Variants in SHISA6 observed in about 807,000 individuals in gnomAD.
SHISA6 encodes protein shisa-6.
A neutral mutation model predicts 47.9 loss-of-function variants in SHISA6; 22 were observed. That is an observed-to-expected ratio of 0.46 (90% CI 0.33 to 0.66). The LOEUF is 0.66. SHISA6 is among the 30% of genes least tolerant of loss of function. SHISA6 has a pLI of 0.02. For synonymous variants in SHISA6, 388 were observed against 337.8 expected, an observed-to-expected ratio of 1.15 and a Z score of -1.63; for missense variants, 680 against 764.6, an observed-to-expected ratio of 0.89 and a Z score of 1.30.
chr17:11,414,121 CCTT>C (rs1914213887), intron 3 of SHISA6, among the ~76,000 whole-genome samples: 1 of 151,820 alleles, frequency 6.6e-6, no homozygotes, highest in East Asian at 1.9e-4. Context: ...CTCCTCTCCT[CCTT>C]CTCCTCCTCC....
chr17:11,469,268 A>G (rs2142320364), intron 3 of SHISA6, among the ~76,000 whole-genome samples: 1 of 152,204 alleles, frequency 6.6e-6, no homozygotes, highest in South Asian at 2.1e-4. Flanking sequence ...GGGTCCTTAC[A>G]ATAGGGAGGA....
rs141006596 is a variant in SHISA6 at position 11,287,117 on chromosome 17, G to A, written c.799+23591G>A. ...GCAGTGAGTAAAAGAAAAAATAGCC[G>A]GGCATGGTGGCATATGCTTGTAGTC... On this transcript the variant is annotated intron_variant, in intron 2 of 5. Coordinates refer to ENST00000441885, the MANE Select transcript of SHISA6 (RefSeq NM_207386.4). Among the ~76,000 whole-genome samples the A allele has an allele frequency of 1.7e-3, 253 of 152,064 alleles. 2 individuals carry two copies. Among genetic ancestry groups the A allele is most frequent in the African/African-American group, 5.0e-3 (207 of 41,484 alleles).
intron 3 of SHISA6, among the ~76,000 whole-genome samples, chr17:11,505,414 G>A (rs1398868775): frequency 1.3e-5 from 2 of 152,224 alleles, no homozygotes; most frequent in African/African-American, 2.4e-5. Context: ...TAGCTGTGTG[G>A]ACTGCAGAAT....
chr17:11,421,870 A>G (rs541886337), intron 3 of SHISA6, among the ~76,000 whole-genome samples: 24 of 152,178 alleles, frequency 1.6e-4, no homozygotes, highest in African/African-American at 2.7e-4. Flanking sequence ...CAGAGGAGCA[A>G]ATTGAAAGGG....
chr17:11,306,340 G>C (rs1292649401), intron 2 of SHISA6, among the ~76,000 whole-genome samples: 1 of 152,118 alleles, frequency 6.6e-6, no homozygotes, highest in African/African-American at 2.4e-5. Flanking sequence ...GAGCAGAGCC[G>C]AACAATTCAC....
chr17:11,249,214 T>A (rs191056491), intron 1 of SHISA6, among the ~76,000 whole-genome samples: 23 of 151,512 alleles, frequency 1.5e-4, no homozygotes, highest in Middle Eastern at 3.5e-3. Flanking sequence ...AAATGCTGAA[T>A]GCTGAGACCT....
intron 3 of SHISA6, among the ~76,000 whole-genome samples, chr17:11,386,007 G>A (rs542121461): frequency 6.4e-4 from 98 of 152,236 alleles, no homozygotes; most frequent in African/African-American, 2.2e-3. Context: ...CATCTACTCA[G>A]TGGATGCAAG....
At chr17:11,312,144 A>G (rs1910361264) in intron 2 of SHISA6, among the ~76,000 whole-genome samples, 1 of 152,150 alleles carries the variant, frequency 6.6e-6, no homozygotes, top group Non-Finnish European at 1.5e-5. Context: ...TGGTCACTGA[A>G]CTAAGTTTAG....
intron 2 of SHISA6, among the ~76,000 whole-genome samples, chr17:11,271,952 G>A (rs2142153439): frequency 6.6e-6 from 1 of 152,048 alleles, no homozygotes; most frequent in South Asian, 2.1e-4. Flanking sequence ...CACGTAGGAT[G>A]AGCCCACCCT....
At chr17:11,337,054 C>T (rs1363544289) in intron 2 of SHISA6, among the ~76,000 whole-genome samples, 2 of 152,114 alleles carry the variant, frequency 1.3e-5, no homozygotes, top group African/African-American at 2.4e-5. Flanking sequence ...TCTTTGGCCC[C>T]TTTGATCTAA....
At chr17:11,371,731 G>T (rs1392254094) in intron 2 of SHISA6, among the ~76,000 whole-genome samples, 1 of 147,656 alleles carries the variant, frequency 6.8e-6, no homozygotes, top group Non-Finnish European at 1.5e-5. Flanking sequence ...AAAGTACAGA[G>T]AAAAACAACA....
chr17:11,307,111 T>C (rs1446897762), intron 2 of SHISA6, among the ~76,000 whole-genome samples: 2 of 150,180 alleles, frequency 1.3e-5, no homozygotes, highest in Admixed American at 6.6e-5. Context: ...CAGTGCCATA[T>C]ATTTATTTAT....
chr17:11,427,424 C>T (rs533925923), intron 3 of SHISA6, among the ~76,000 whole-genome samples: 2 of 152,202 alleles, frequency 1.3e-5, no homozygotes, highest in South Asian at 2.1e-4. Flanking sequence ...TGAGCCACCG[C>T]GCCCGGCCCT....
chr17:11,440,089 C>T (rs1915056707), intron 3 of SHISA6, among the ~76,000 whole-genome samples: 1 of 152,166 alleles, frequency 6.6e-6, no homozygotes, highest in Non-Finnish European at 1.5e-5. Context: ...TCACTTATTC[C>T]ATATTTATCT....
intron 3 of SHISA6, among the ~76,000 whole-genome samples, chr17:11,432,341 C>G (rs1269180324): frequency 1.3e-5 from 2 of 152,160 alleles, no homozygotes; most frequent in African/African-American, 2.4e-5. Flanking sequence ...TCAAAACGCT[C>G]AATTATCTGT....
Position 11,242,046 on chromosome 17 carries a change from G to T in SHISA6, c.624G>T (p.Glu208Asp). 2.6e-6 allele frequency: 4 copies of T among 1,550,726 alleles called. No homozygotes were observed. Among genetic ancestry groups the T allele is most frequent in the Non-Finnish European group, 3.5e-6 (4 of 1,147,008 alleles). The change falls in exon 1 of 6, where the codon GAG becomes GAT. Residue 208 changes from glutamate to aspartate, a missense_variant. By Grantham distance (45) the Glu-to-Asp change is conservative. Around this residue, in one of 2 missense-constraint regions of SHISA6, gnomAD observed 559 missense variants for 674.1 expected, o/e 0.83. Transcript: ENST00000441885. The part of the protein sequence containing the change: ...SYDKAHRPPR[E>D]MNIHRALADI... ...ACAAGGCCCACCGCCCTCCACGGGA[G>T]ATGAACATCCACAGGTGAGAGCGCC...
chr17:11,459,481 T>C (rs578073994), intron 3 of SHISA6, among the ~76,000 whole-genome samples: 1 of 152,308 alleles, frequency 6.6e-6, no homozygotes, highest in South Asian at 2.1e-4. Flanking sequence ...TATGCATCTC[T>C]GTGTACACCT....
intron 2 of SHISA6, among the ~76,000 whole-genome samples, chr17:11,376,822 A>G (rs1176966864): frequency 6.6e-6 from 1 of 152,264 alleles, no homozygotes; most frequent in African/African-American, 2.4e-5. Flanking sequence ...TCATCTGGGA[A>G]CTTGTTAGGA....
intron 2 of SHISA6, among the ~76,000 whole-genome samples, chr17:11,345,709 T>A (rs773933574): frequency 1.1e-4 from 17 of 152,144 alleles, no homozygotes; most frequent in Admixed American, 2.6e-4. Context: ...TTACTAGATA[T>A]TTTATTTCTG....
Sources: gnomAD v4.1 joint callset for allele counts (sites outside exome capture counted in the v4.1 genomes callset) on GRCh38, gnomAD v4.1.1 for gene constraint, gnomAD v4.1.1 regional missense constraint, MANE v1.5 for transcripts, NCBI Gene and HGNC (gene_info 2026-07-23, HGNC 2026-07-21) for gene names.